Variants in STK39 observed in about 807,000 individuals in gnomAD.
The protein encoded by STK39 is serine/threonine kinase 39.
A neutral mutation model predicts 77.8 loss-of-function variants in STK39; 20 were observed. The ratio of observed to expected loss-of-function variants is 0.26; its 90% CI spans 0.18 to 0.37. STK39 has a LOEUF of 0.37. Among genes scored for constraint, STK39 ranks in the 10% least tolerant of loss-of-function variants. The pLI is 1.00. For missense variants in STK39, 479 were observed against 656.5 expected, an observed-to-expected ratio of 0.73 and a Z score of 2.95; for synonymous variants, 246 against 234.1, an observed-to-expected ratio of 1.05 and a Z score of -0.47.
chr2:168,225,771 C>T (rs1043335029), intron 1 of STK39, among the ~76,000 whole-genome samples: 1 of 152,158 alleles, frequency 6.6e-6, no homozygotes, highest in Non-Finnish European at 1.5e-5. Flanking sequence ...CAGTTACTTA[C>T]CTAAGAGCAG....
chr2:168,051,111 C>T (rs1161042362), intron 14 of STK39, among the ~76,000 whole-genome samples: 1 of 152,158 alleles, frequency 6.6e-6, no homozygotes, highest in Non-Finnish European at 1.5e-5. Flanking sequence ...TAACGGAGAA[C>T]TGAAATAACT....
chr2:168,069,150 T>C (rs1275995125), intron 12 of STK39, among the ~76,000 whole-genome samples: 1 of 152,174 alleles, frequency 6.6e-6, no homozygotes, highest in Non-Finnish European at 1.5e-5. Flanking sequence ...ACTCCTGGCC[T>C]CAGGTGATCC....
intron 5 of STK39, among the ~76,000 whole-genome samples, chr2:168,143,629 G>A (rs1371215837): frequency 1.3e-5 from 2 of 151,998 alleles, no homozygotes; most frequent in South Asian, 2.1e-4. Flanking sequence ...CGGGGGAATC[G>A]CTTGAACCCA....
intron 10 of STK39, among the ~76,000 whole-genome samples, chr2:168,129,316 G>A (rs1342023843): frequency 6.6e-6 from 1 of 152,158 alleles, no homozygotes; most frequent in South Asian, 2.1e-4. Context: ...AGCTGATAAA[G>A]GGAAAAATGA....
intron 14 of STK39, among the ~76,000 whole-genome samples, chr2:168,049,475 T>A (rs1685338155): frequency 6.6e-6 from 1 of 152,230 alleles, no homozygotes. Flanking sequence ...ATCCAGGGCA[T>A]CATTTAAATG....
intron 1 of STK39, among the ~76,000 whole-genome samples, chr2:168,218,521 C>T (rs1559151518): frequency 1.3e-5 from 2 of 152,184 alleles, no homozygotes; most frequent in African/African-American, 4.8e-5. Flanking sequence ...AAACGCTCAA[C>T]CAAGGTAGGC....
At chr2:168,179,481 C>A (rs1257331807) in intron 2 of STK39, among the ~76,000 whole-genome samples, 4 of 151,652 alleles carry the variant, frequency 2.6e-5, no homozygotes, top group Non-Finnish European at 4.4e-5. Flanking sequence ...TATCAACACA[C>A]CAAAAGGTCA....
Position 168,008,635 on chromosome 2 carries a change from G to A in STK39, c.1498+3999C>T, listed in dbSNP as rs375304300. On this transcript the variant is annotated intron_variant, in intron 16 of 17. Coordinates refer to ENST00000355999, the MANE Select transcript of STK39 (RefSeq NM_013233.3). ...AAGAGTGGAAGGTATTTAATACCAC[G>A]AAACCTGATAAGATCAGCAAAGCAG... Among the ~76,000 whole-genome samples the A allele has an allele frequency of 1.3e-4, 20 of 152,226 alleles. No individual in the cohort carries two copies. The East Asian group carries it at 2.7e-3, about 21-fold the overall frequency.
intron 10 of STK39, among the ~76,000 whole-genome samples, chr2:168,099,551 T>A (rs1261417636): frequency 1.3e-5 from 2 of 152,196 alleles, no homozygotes; most frequent in African/African-American, 2.4e-5. Context: ...TATTTGTCAA[T>A]AACCTCAGCT....
chr2:168,227,914 C>T (rs2105254274), intron 1 of STK39, among the ~76,000 whole-genome samples: 1 of 152,282 alleles, frequency 6.6e-6, no homozygotes, highest in Admixed American at 6.5e-5. Flanking sequence ...TCCTCAGCCT[C>T]CCAAAGTGCT....
chr2:168,167,234 A>G (rs1323241049), intron 3 of STK39, 65 bp downstream of exon 3: 2 of 1,358,582 alleles, frequency 1.5e-6, no homozygotes, highest in Non-Finnish European at 1.0e-6. Flanking sequence ...GTCTTCTCCA[A>G]TATGCTGGTT....
intron 1 of STK39, among the ~76,000 whole-genome samples, chr2:168,233,431 A>C (rs1004374239): frequency 1.3e-5 from 2 of 152,180 alleles, no homozygotes; most frequent in Non-Finnish European, 2.9e-5. Flanking sequence ...TAATCTCCCT[A>C]CACAGATTTT....
intron 16 of STK39, among the ~76,000 whole-genome samples, chr2:168,004,485 C>G (rs1212553697): frequency 6.6e-6 from 1 of 152,072 alleles, no homozygotes; most frequent in Non-Finnish European, 1.5e-5. Context: ...GTAATCCCAG[C>G]ACTTTGGGAG....
intron 16 of STK39, among the ~76,000 whole-genome samples, chr2:168,006,823 C>G (rs1483955579): frequency 6.6e-6 from 1 of 152,198 alleles, no homozygotes; most frequent in East Asian, 1.9e-4. Context: ...CTACAAACAG[C>G]ACATTTCATT....
intron 1 of STK39, among the ~76,000 whole-genome samples, chr2:168,197,381 G>A (rs1464637308): frequency 3.3e-5 from 5 of 152,098 alleles, no homozygotes; most frequent in Non-Finnish European, 5.9e-5. Flanking sequence ...CCCTGCCAAC[G>A]CTGGCCCATC....
chr2:167,957,517 T>C lies in STK39; in HGVS notation c.1564-1947A>G, dbSNP rs185365107. Among the ~76,000 whole-genome samples the C allele has an allele frequency of 4.6e-4, 70 of 152,328 alleles. 1 individual carries two copies. Among genetic ancestry groups the C allele is most frequent in the Admixed American group, 3.5e-3 (53 of 15,302 alleles). On this transcript the variant is annotated intron_variant, in intron 17 of 17. Coordinates refer to ENST00000355999, the MANE Select transcript of STK39 (RefSeq NM_013233.3). Reference sequence around the variant, plus strand: ...CTGTTTCTTTATCTACCTTCCTAAATCATCCCTTCTCTCTCATGTGTAGCT... The same window carrying C: ...CTGTTTCTTTATCTACCTTCCTAAACCATCCCTTCTCTCTCATGTGTAGCT...
intron 1 of STK39, among the ~76,000 whole-genome samples, chr2:168,242,563 ATATATATATATATATAT>A (rs1558893956): frequency 0.015 from 891 of 57,892 alleles, 135 homozygotes; most frequent in East Asian, 0.032. Context: ...AAAAAAAAAT[ATATATATATATATATAT>A]ATATATATAT....
At chr2:167,994,792 G>T (rs963657260) in intron 16 of STK39, among the ~76,000 whole-genome samples, 4 of 152,172 alleles carry the variant, frequency 2.6e-5, no homozygotes, top group Non-Finnish European at 4.4e-5. Context: ...GCCAGAAAGA[G>T]TTGGTTTTAG....
At chr2:168,017,672 C>T (rs1684450645) in intron 14 of STK39, among the ~76,000 whole-genome samples, 2 of 151,740 alleles carry the variant, frequency 1.3e-5, no homozygotes, top group South Asian at 4.2e-4. Flanking sequence ...CACACCTGGC[C>T]AATATAATTT....
Sources: gnomAD v4.1 joint callset for allele counts (sites outside exome capture counted in the v4.1 genomes callset) on GRCh38, gnomAD v4.1.1 for gene constraint, MANE v1.5 for transcripts, NCBI Gene and HGNC (gene_info 2026-07-23, HGNC 2026-07-21) for gene names.